VWA3A: variants seen among roughly 807,000 people sequenced by gnomAD.
The protein encoded by VWA3A is von Willebrand factor A domain containing 3A.
Under a neutral mutation model 160.4 loss-of-function variants are expected in VWA3A, and 134 were observed. The observed-to-expected ratio is 0.84, with a 90% CI of 0.73 to 0.96. The LOEUF is 0.96. Among genes scored for constraint, VWA3A ranks in the 40% least tolerant of loss-of-function variants. The pLI is 0.00. For synonymous variants in VWA3A, 476 were observed against 543.4 expected (o/e 0.88, Z 1.72); for missense variants, 1,310 against 1,447.9 (o/e 0.90, Z 1.55).
rs78459554 is a variant in VWA3A, at chr16:22,110,266, C to T, written c.583-622C>T. On this transcript the variant is annotated intron_variant, in intron 7 of 33. Transcript: ENST00000389398. ...TGGCCTAGAGAAAAAGCCTCTGCAG[C>T]GTGATGTGATGTGGACAGGCTATTT... Among the ~76,000 whole-genome samples the T allele has an allele frequency of 7.7e-4, 117 of 152,302 alleles. 1 individual carries two copies. In the East Asian group the frequency reaches 0.021, roughly 27 times the overall value.
chr16:22,149,745 T>C (rs762351873), intron 28 of VWA3A, 42 bp from the exon 29 acceptor site: 73 of 1,556,992 alleles, frequency 4.7e-5, no homozygotes, highest in Non-Finnish European at 6.2e-5. Flanking sequence ...AATCTCTTTC[T>C]CCCCTTCTCT....
In VWA3A at chr16:22,109,486, T is replaced by C; in HGVS notation, c.488T>C (p.Phe163Ser). 6.3e-7 allele frequency: 1 copy of C among 1,597,502 alleles called. No homozygotes were observed. Reference sequence around the variant, plus strand: ...AAATGCCCTCTTTGGTTTTAGGCATTTGGCCTCATCAAAGGGGCCAGAGTC... The same window carrying C: ...AAATGCCCTCTTTGGTTTTAGGCATCTGGCCTCATCAAAGGGGCCAGAGTC... ...QWLTENSKKA[F>S]GLIKGARVSI... Residue 163 changes from phenylalanine (F) to serine (S), a missense_variant, in exon 7 of 34, where the codon TTT becomes TCT. By Grantham distance (155) the Phe-to-Ser change is radical (BLOSUM62 -2). Transcript: ENST00000389398.
At chr16:22,141,430 C>T (rs1490144257) in intron 23 of VWA3A, among the ~76,000 whole-genome samples, 152 bp from the exon 24 acceptor site, 2 of 152,166 alleles carry the variant, frequency 1.3e-5, no homozygotes, top group South Asian at 2.1e-4. Context: ...AGAGACCTGG[C>T]GGGGGAGGAC....
chr16:22,118,497 A>T (rs2045681787), intron 11 of VWA3A, among the ~76,000 whole-genome samples: 1 of 152,008 alleles, frequency 6.6e-6, no homozygotes. Flanking sequence ...CATCCTGGCT[A>T]ACACGGTGAA....
chr16:22,097,009 A>G lies in VWA3A; in HGVS notation c.101+64A>G, dbSNP rs1335965203. ...GAGGCAGATTCTCGCACTGTCTCCC[A>G]GGCTGGAGTGCAGTGGCACAATCTA... On this transcript the variant is annotated intron_variant, in intron 2 of 33. Coordinates refer to ENST00000389398, the MANE Select transcript of VWA3A (RefSeq NM_173615.5). 7.5e-6 allele frequency: 8 copies of G among 1,062,664 alleles called. No homozygotes were observed. In the East Asian group the frequency reaches 1.9e-4, roughly 26 times the overall value. 65.8% of individuals were successfully genotyped at this position (1,062,664 alleles called of 1,614,324 possible).
At chr16:22,134,174 C>T (rs934975389) in intron 20 of VWA3A, among the ~76,000 whole-genome samples, 194 bp from the exon 21 acceptor site, 1 of 151,980 alleles carries the variant, frequency 6.6e-6, no homozygotes, top group African/African-American at 2.4e-5. Flanking sequence ...CACTATATTG[C>T]CCAGGCTGGT....
intron 16 of VWA3A, 150 bp from the exon 17 acceptor site, chr16:22,126,028 G>C: frequency 9.5e-7 from 1 of 1,049,620 alleles, no homozygotes; most frequent in Non-Finnish European, 1.4e-6. Flanking sequence ...GCCCACATCC[G>C]TTGGCCTCAA....
At chr16:22,119,114 C>A in intron 12 of VWA3A, 87 bp downstream of exon 12, 1 of 1,433,274 alleles carries the variant, frequency 7.0e-7, no homozygotes, top group Admixed American at 2.5e-5. Flanking sequence ...TCATAGGGGG[C>A]ACAGCTGCCA....
chr16:22,134,428 A>G lies in VWA3A; in HGVS notation c.2129A>G (p.Tyr710Cys), dbSNP rs368877879. The stretch of plus-strand genomic sequence containing the variant: ...TCTGAGATGGAAAAGGCTCTCAACT[A>G]CTCCCAAAAGGTATGCCCTGGGCAT... ...IMSEMEKALN[Y>C]SQKCAFLMAS... The change falls in exon 21 of 34, where the codon TAC becomes TGC. Residue 710 changes from tyrosine to cysteine, a missense_variant. Coordinates refer to ENST00000389398, the MANE Select transcript of VWA3A (RefSeq NM_173615.5). 8.2e-5 allele frequency: 130 copies of G among 1,592,078 alleles called. No homozygotes were observed. Among genetic ancestry groups the G allele is most frequent in the Non-Finnish European group, 1.7e-5 (20 of 1,168,640 alleles).
At chr16:22,103,350 T>G (rs2045435670) in intron 5 of VWA3A, 125 bp from the exon 6 acceptor site, 4 of 861,272 alleles carry the variant, frequency 4.6e-6, no homozygotes, top group Non-Finnish European at 7.1e-6. Flanking sequence ...CACCACCTTC[T>G]TCCAAGAACC....
rs141634084 is a variant in VWA3A at position 22,156,083 on chromosome 16, C to T, written c.*66C>T. On this transcript the variant is annotated 3_prime_UTR_variant, in exon 34 of 34. Transcript: ENST00000389398. The stretch of plus-strand genomic sequence containing the variant: ...ACTGAGCAAATCTCAGCCCCGAGGG[C>T]AGGATGGGATGAAATGCTGTGACCT... 3 of 706,138 alleles carry T rather than the reference C, an allele frequency of 4.2e-6. No homozygotes were observed. The highest frequency in any genetic ancestry group is 5.8e-5 in the Admixed American group (2 of 34,488). The allele number at this position is 706,138 out of a possible 1,614,324, so 43.7% of individuals were successfully genotyped here.
intron 22 of VWA3A, among the ~76,000 whole-genome samples, chr16:22,139,918 T>C (rs2046112532): frequency 6.6e-6 from 1 of 152,116 alleles, no homozygotes; most frequent in Non-Finnish European, 1.5e-5. Flanking sequence ...CATATGCACA[T>C]GCACACACAT....
At position 22,149,836 on chromosome 16, in the gene VWA3A, C is replaced by G. The variant is rs753707069; in HGVS notation, c.3034C>G (p.Leu1012Val). The G allele has an allele frequency of 2.2e-5, 36 of 1,605,734 alleles. No individual in the cohort carries two copies. The highest frequency in any genetic ancestry group is 3.1e-5 in the Non-Finnish European group (36 of 1,176,136). Residue 1012 changes from leucine to valine, a missense_variant, in exon 29 of 34, where the codon CTG (leucine) becomes GTG (valine). Coordinates refer to ENST00000389398, the MANE Select transcript of VWA3A (RefSeq NM_173615.5). Reference sequence around the variant, plus strand: ...GAGCTTTCAGTCATGGCAGGACACGCTGGTGGAGACCACAGATGCAGCGTG... The same window carrying G: ...GAGCTTTCAGTCATGGCAGGACACGGTGGTGGAGACCACAGATGCAGCGTG... ...AESFQSWQDT[L>V]VETTDAACHE...
chr16:22,155,791 C>A (rs1363628244), intron 32 of VWA3A, 60 bp from the exon 33 acceptor site: 2 of 1,612,346 alleles, frequency 1.2e-6, no homozygotes, highest in African/African-American at 2.7e-5. Context: ...CTGCTTCTCC[C>A]AGCCAGCCCA....
rs569414048 is a variant in VWA3A at position 22,099,071 on chromosome 16, G to C, written c.226-1123G>C. ...AGATTGTGGCACTGCACTCCAGCAT[G>C]GGCAATAAAATGAGACCCTGTCTCA... On this transcript the variant is annotated intron_variant, in intron 3 of 33. Coordinates refer to ENST00000389398, the MANE Select transcript of VWA3A (RefSeq NM_173615.5). Among the ~76,000 whole-genome samples the C allele has an allele frequency of 1.3e-3, 200 of 151,934 alleles. 1 individual carries two copies. The highest frequency in any genetic ancestry group is 2.0e-3 in the Non-Finnish European group (138 of 67,964).
At chr16:22,140,048 C>G in intron 22 of VWA3A, 106 bp from the exon 23 acceptor site, 1 of 1,086,456 alleles carries the variant, frequency 9.2e-7, no homozygotes, top group South Asian at 1.4e-5. Context: ...CTCCCTTAGG[C>G]TCCTCCCTAC....
At chr16:22,151,775 A>T (rs955124860) in intron 30 of VWA3A, among the ~76,000 whole-genome samples, 4 of 152,212 alleles carry the variant, frequency 2.6e-5, no homozygotes, top group Non-Finnish European at 5.9e-5. Context: ...TTCAAAAAAA[A>T]AAAAACTTTA....
At chr16:22,130,187 G>A (rs1173861804) in intron 17 of VWA3A, among the ~76,000 whole-genome samples, 1 of 152,102 alleles carries the variant, frequency 6.6e-6, no homozygotes, top group South Asian at 2.1e-4. Context: ...TCTCTACCAG[G>A]GAATGCCCCC....
intron 17 of VWA3A, among the ~76,000 whole-genome samples, chr16:22,129,267 T>C (rs892560586): frequency 1.3e-5 from 2 of 151,406 alleles, no homozygotes; most frequent in African/African-American, 2.4e-5. Context: ...TGGGCACCTG[T>C]AGTCCCAGCT....
Sources: allele counts gnomAD v4.1 joint callset (sites outside exome capture counted in the v4.1 genomes callset), GRCh38; gene constraint gnomAD v4.1.1; transcripts MANE v1.5; gene names NCBI Gene and HGNC (gene_info 2026-07-23, HGNC 2026-07-21).